Variants in TRANK1 observed in about 807,000 individuals in gnomAD.
The protein encoded by TRANK1 is tetratricopeptide repeat and ankyrin repeat containing 1.
In TRANK1, 198 loss-of-function variants were observed where a neutral mutation model predicts 266.0. The ratio of observed to expected loss-of-function variants is 0.74; its 90% CI spans 0.66 to 0.84. The LOEUF (loss-of-function observed/expected upper bound fraction) is 0.84. TRANK1 is among the 40% of genes least tolerant of loss of function. TRANK1 has a pLI of 0.00. For missense variants in TRANK1, 3,326 were observed against 3,634.6 expected (o/e 0.92, Z 2.18); for synonymous variants, 1,396 against 1,384.1 (o/e 1.01, Z -0.19).
chr3:36,847,734 T>C (rs1320560855), intron 15 of TRANK1, among the ~76,000 whole-genome samples: 1 of 152,178 alleles, frequency 6.6e-6, no homozygotes, highest in Admixed American at 6.5e-5. Flanking sequence ...TTAAGATACA[T>C]GTGGCAGAAT....
At chr3:36,882,989 G>A (rs1388633807) in intron 8 of TRANK1, among the ~76,000 whole-genome samples, 1 of 152,054 alleles carries the variant, frequency 6.6e-6, no homozygotes, top group Non-Finnish European at 1.5e-5. Flanking sequence ...AATTCTACTG[G>A]TGAGACTGTT....
intron 17 of TRANK1, 115 bp from the exon 18 acceptor site, chr3:36,842,825 C>T (rs771706140): frequency 1.7e-4 from 155 of 890,440 alleles, no homozygotes; most frequent in Non-Finnish European, 2.6e-4. Flanking sequence ...TGTTAAAGTC[C>T]TAACTCCCGG....
intron 1 of TRANK1, among the ~76,000 whole-genome samples, chr3:36,923,697 T>TCAG (rs1559476305): frequency 6.6e-6 from 1 of 152,006 alleles, no homozygotes; most frequent in Non-Finnish European, 1.5e-5. Flanking sequence ...CTTTCTCCAG[T>TCAG]CAGCACCCTC....
chr3:36,924,099 GA>G (rs2080255444), intron 1 of TRANK1, among the ~76,000 whole-genome samples: 1 of 152,140 alleles, frequency 6.6e-6, no homozygotes, highest in South Asian at 2.1e-4. Context: ...GGTGACCTCG[GA>G]CAGCCTCAAA....
intron 8 of TRANK1, among the ~76,000 whole-genome samples, chr3:36,887,252 C>T (rs181128737): frequency 1.3e-5 from 2 of 152,214 alleles, no homozygotes; most frequent in African/African-American, 4.8e-5. Context: ...TGCTAAGACC[C>T]AGTTCATATC....
At chr3:36,944,700 G>T in intron 1 of TRANK1, 87 bp downstream of exon 1, 1 of 1,456,314 alleles carries the variant, frequency 6.9e-7, no homozygotes, top group Non-Finnish European at 9.1e-7. Context: ...AGGGTCGCCA[G>T]TCCCCGCGCG....
intron 5 of TRANK1, among the ~76,000 whole-genome samples, chr3:36,893,331 G>A (rs2079737176): frequency 6.6e-6 from 1 of 151,906 alleles, no homozygotes; most frequent in South Asian, 2.1e-4. Context: ...CTTAGCAAGT[G>A]GAAGACTCAA....
intron 8 of TRANK1, among the ~76,000 whole-genome samples, chr3:36,875,362 G>A (rs2079371820): frequency 6.6e-6 from 1 of 152,344 alleles, no homozygotes; most frequent in South Asian, 2.1e-4. Flanking sequence ...CAAGGAATGT[G>A]TGTGGCCTGC....
In TRANK1 at chr3:36,846,456, A is replaced by C. The variant is rs1213272804; in HGVS notation, c.5035-52T>G. 2.6e-6 allele frequency: 4 copies of C among 1,559,718 alleles called. No individual in the cohort carries two copies. In the African/African-American group the frequency reaches 5.5e-5, roughly 21 times the overall value. ...GATGAGCCATTTGTCTATAGCTACAAAGTGACACACTTCAATGGGCTTACT... is the reference window on the plus strand; with the variant it reads ...GATGAGCCATTTGTCTATAGCTACACAGTGACACACTTCAATGGGCTTACT... On this transcript the variant is annotated intron_variant, in intron 16 of 23. Coordinates refer to ENST00000645898, the MANE Select transcript of TRANK1 (RefSeq NM_001329998.2).
intron 2 of TRANK1, among the ~76,000 whole-genome samples, chr3:36,907,080 C>T (rs1350159225): frequency 1.3e-5 from 2 of 152,098 alleles, no homozygotes; most frequent in Non-Finnish European, 2.9e-5. Flanking sequence ...AGGAGATTTA[C>T]AAAAATGTAC....
intron 9 of TRANK1, among the ~76,000 whole-genome samples, chr3:36,866,716 G>A (rs1321123542): frequency 2.6e-5 from 4 of 152,186 alleles, no homozygotes; most frequent in Admixed American, 6.5e-5. Context: ...CAAAACAGCC[G>A]CTATAAGTCC....
Position 36,908,327 on chromosome 3 carries a change from A to G in TRANK1, c.151T>C (p.Trp51Arg). ...GGTGAAAATGCAAACACTTACCCCCACTGGTATAACTGCAGGAGAATCTGG... is the reference window on the plus strand; with the variant it reads ...GGTGAAAATGCAAACACTTACCCCCGCTGGTATAACTGCAGGAGAATCTGG... ...AIQILLQLYQWGVPPRDLAVL... is the reference protein window; with the variant it reads ...AIQILLQLYQRGVPPRDLAVL... The change falls in exon 2 of 24, where the codon TGG becomes CGG. Residue 51 changes from tryptophan (W) to arginine (R), a missense_variant. By Grantham distance (101) the Trp-to-Arg change is moderately radical. Transcript: ENST00000645898. The G allele has an allele frequency of 8.1e-7, 1 of 1,232,206 alleles. No individual in the cohort carries two copies. The highest frequency in any genetic ancestry group is 1.0e-6 in the Non-Finnish European group (1 of 987,984). The allele number at this position is 1,232,206 out of a possible 1,614,324, so 76.3% of individuals were successfully genotyped here.
rs2078914404 is a variant in TRANK1, at chr3:36,846,358, G to A, written c.5081C>T (p.Ala1694Val). ...LKQLYTAITR[A>V]RVNLWIFDEN... Reference sequence around the variant, plus strand: ...ATCAAAGATCCAGAGGTTGACCCGAGCCCGTGTGATGGCGGTGTACAGCTG... The same window carrying A: ...ATCAAAGATCCAGAGGTTGACCCGAACCCGTGTGATGGCGGTGTACAGCTG... Residue 1694 changes from alanine (A) to valine (V), a missense_variant, in exon 17 of 24, where the codon GCT (alanine) becomes GTT (valine). Physicochemically the swap from Ala to Val is moderately conservative, Grantham distance 64 (BLOSUM62 0). Coordinates refer to ENST00000645898, the MANE Select transcript of TRANK1 (RefSeq NM_001329998.2). 1.2e-6 allele frequency: 2 copies of A among 1,613,880 alleles called. No homozygotes were observed. Among genetic ancestry groups the A allele is most frequent in the Non-Finnish European group, 1.7e-6 (2 of 1,179,836 alleles).
chr3:36,860,786 G>T, intron 11 of TRANK1, 120 bp downstream of exon 11: 2 of 1,372,820 alleles, frequency 1.5e-6, no homozygotes, highest in Non-Finnish European at 1.9e-6. Context: ...ATACAGGGTA[G>T]GCAATGAGGG....
rs371549764 is a variant in TRANK1, at chr3:36,831,638, G to T, written c.7945C>A (p.Arg2649=). The T allele has an allele frequency of 1.3e-4, 214 of 1,613,874 alleles. No homozygotes were observed. Among genetic ancestry groups the T allele is most frequent in the Non-Finnish European group, 1.6e-4 (194 of 1,179,844 alleles). The change falls in exon 22 of 24, where the codon CGG becomes AGG. Residue 2649 remains arginine (R), a synonymous_variant. Transcript: ENST00000645898. The surrounding 1 kb of genome is among the most constrained non-coding windows in gnomAD (Gnocchi z 5.0). ...DEEYLMDCDW[R]WDPVHTKGSI... ...CCTTTGGTGTGCACAGGGTCCCACC[G>T]CCAGTCACAGTCCATTAGGTACTCT...
chr3:36,935,386 G>A lies in TRANK1; in HGVS notation c.23+9401C>T, dbSNP rs568811361. Among the ~76,000 whole-genome samples the A allele has an allele frequency of 1.1e-3, 161 of 151,230 alleles. 2 individuals carry two copies. The highest frequency in any genetic ancestry group is 7.1e-3 in the Middle Eastern group (2 of 282). The stretch of plus-strand genomic sequence containing the variant: ...ATGTTTGGGGCACTGTGCTGGTCTC[G>A]ACAGCTCTGTGCCAGACACTAATTT... On this transcript the variant is annotated intron_variant, in intron 1 of 23. Coordinates refer to ENST00000645898, the MANE Select transcript of TRANK1 (RefSeq NM_001329998.2).
chr3:36,930,974 T>A (rs187916857), intron 1 of TRANK1, among the ~76,000 whole-genome samples: 1 of 151,996 alleles, frequency 6.6e-6, no homozygotes, highest in East Asian at 1.9e-4. Flanking sequence ...AGAAAAGCAC[T>A]AACAGAAAAT....
At chr3:36,836,074 C>T (rs748560734) in intron 20 of TRANK1, among the ~76,000 whole-genome samples, 4 of 152,294 alleles carry the variant, frequency 2.6e-5, no homozygotes, top group Non-Finnish European at 5.9e-5. Flanking sequence ...GAAATACATC[C>T]ACCAGGTTTG....
At chr3:36,881,026 T>C (rs1254572649) in intron 8 of TRANK1, among the ~76,000 whole-genome samples, 3 of 151,894 alleles carry the variant, frequency 2.0e-5, no homozygotes, top group African/African-American at 7.2e-5. Flanking sequence ...TCTACAACCC[T>C]GTGCACCTTA....
Sources: gnomAD v4.1 joint callset for allele counts (sites outside exome capture counted in the v4.1 genomes callset) on GRCh38, gnomAD v4.1.1 for gene constraint, Gnocchi (gnomAD v3.1) non-coding constraint, MANE v1.5 for transcripts, NCBI Gene and HGNC (gene_info 2026-07-23, HGNC 2026-07-21) for gene names.